The following ANKAR variants were observed in gnomAD, a reference collection of about 807,000 sequenced individuals.
ANKAR encodes the protein ankyrin and armadillo repeat containing.
A neutral mutation model predicts 146.2 loss-of-function variants in ANKAR; 136 were observed. That is an observed-to-expected ratio of 0.93 (90% confidence interval 0.81 to 1.07). The LOEUF (loss-of-function observed/expected upper bound fraction) is 1.07, where lower values mean the gene tolerates loss of function less well. Ranked by LOEUF, ANKAR falls within the 50% of genes least tolerant of loss-of-function variation. The probability of loss-of-function intolerance (pLI) is 0.00; values close to 1 mark genes in which losing one functional copy is unlikely to be tolerated. For synonymous variants in ANKAR, 500 were observed against 575.8 expected (o/e 0.87, Z 1.88); for missense variants, 1,567 against 1,679.9 (o/e 0.93, Z 1.18).
intron 7 of ANKAR, among the ~76,000 whole-genome samples, chr2:189,697,350 G>A (rs1340144294): frequency 6.6e-6 from 1 of 151,864 alleles, no homozygotes; most frequent in African/African-American, 2.4e-5. Flanking sequence ...ACATATATAT[G>A]TACATATATA....
At chr2:189,691,252 CA>C (rs1200924119) in intron 3 of ANKAR, among the ~76,000 whole-genome samples, 1 of 152,206 alleles carries the variant, frequency 6.6e-6, no homozygotes, top group Non-Finnish European at 1.5e-5. Flanking sequence ...GACAAGGTTT[CA>C]CTATGTTGGC....
Position 189,746,497 on chromosome 2 carries a change from C to T in ANKAR, c.4175C>T (p.Ser1392Phe), listed in dbSNP as rs556809724. Residue 1392 changes from serine to phenylalanine, a missense_variant, in exon 23 of 23, where the codon TCC (serine) becomes TTC (phenylalanine). Ser to Phe is a radical substitution (Grantham distance 155). Coordinates refer to ENST00000684021, the MANE Select transcript of ANKAR (RefSeq NM_001378068.1). Reference sequence around the variant, plus strand: ...AAAGCAACAAAAAAGACCAAGGATTCCCATAATATTTTTTCTTTTTCATCT... The same window carrying T: ...AAAGCAACAAAAAAGACCAAGGATTTCCATAATATTTTTTCTTTTTCATCT... ...LFKATKKTKD[S>F]HNIFSFSSTI... 4.3e-6 allele frequency: 7 copies of T among 1,613,818 alleles called. No homozygotes were observed. Among genetic ancestry groups the T allele is most frequent in the Non-Finnish European group, 5.9e-6 (7 of 1,179,874 alleles).
chr2:189,757,608 C>T (rs1395559873), intron 18 of ANKAR, among the ~76,000 whole-genome samples: 1 of 152,184 alleles, frequency 6.6e-6, no homozygotes, highest in African/African-American at 2.4e-5. Context: ...AAAAACTGTG[C>T]ACAGTATCAA....
chr2:189,702,749 C>A (rs1426098997), intron 7 of ANKAR, among the ~76,000 whole-genome samples: 1 of 152,120 alleles, frequency 6.6e-6, no homozygotes, highest in African/African-American at 2.4e-5. Flanking sequence ...ATATCAAGCT[C>A]CCACTATGAA....
intron 18 of ANKAR, among the ~76,000 whole-genome samples, chr2:189,759,312 G>A (rs1451985529): frequency 1.3e-5 from 2 of 151,490 alleles, no homozygotes; most frequent in African/African-American, 4.9e-5. Flanking sequence ...CCAATGGCGC[G>A]ATCTCTGCTC....
chr2:189,754,018 G>T, intron 18 of ANKAR: 1 of 1,613,550 alleles, frequency 6.2e-7, no homozygotes, highest in Non-Finnish European at 8.5e-7. Flanking sequence ...GCTGTACTGT[G>T]GCAGCAATGT....
chr2:189,753,559 TA>T (rs1230840203), intron 18 of ANKAR, among the ~76,000 whole-genome samples: 3 of 151,978 alleles, frequency 2.0e-5, no homozygotes, highest in Admixed American at 1.3e-4. Context: ...ACTGGCTTAT[TA>T]AAAAAACAAA....
intron 10 of ANKAR, among the ~76,000 whole-genome samples, chr2:189,715,481 C>T (rs2040330633): frequency 6.6e-6 from 1 of 152,172 alleles, no homozygotes; most frequent in Admixed American, 6.5e-5. Context: ...CAGGACCAGA[C>T]GGATTCACAG....
At position 189,728,377 on chromosome 2, in the gene ANKAR, A is replaced by G. The variant is rs144746673; in HGVS notation, c.2988A>G (p.Ile996Met). The G allele has an allele frequency of 1.1e-5, 17 of 1,609,698 alleles. No homozygotes were observed. In the African/African-American group the frequency reaches 1.9e-4, roughly 18 times the overall value. ...CAGAACAAATTGGATACAGCTTTAT[A>G]ATAAATATGCTTTTGTCACCATCAG... ...YMAEQIGYSF[I>M]INMLLSPSAK... Residue 996 changes from isoleucine to methionine, a missense_variant, in exon 14 of 23, where the codon ATA becomes ATG. Ile to Met is a conservative substitution (Grantham distance 10, BLOSUM62 1). Coordinates refer to ENST00000684021, the MANE Select transcript of ANKAR (RefSeq NM_001378068.1).
chr2:189,748,389 T>C (rs956443247), downstream of ANKAR, among the ~76,000 whole-genome samples: 2 of 152,130 alleles, frequency 1.3e-5, no homozygotes, highest in African/African-American at 4.8e-5. Context: ...TACAGGCGTG[T>C]AGCCCTAGCT....
At chr2:189,743,927 G>A (rs2043699854) in intron 21 of ANKAR, among the ~76,000 whole-genome samples, 1 of 152,208 alleles carries the variant, frequency 6.6e-6, no homozygotes, top group Non-Finnish European at 1.5e-5. Flanking sequence ...TAGTTACAGT[G>A]AAGTTTGCCA....
chr2:189,737,473 C>T (rs958924141), intron 17 of ANKAR, among the ~76,000 whole-genome samples: 3 of 152,180 alleles, frequency 2.0e-5, no homozygotes, highest in South Asian at 2.1e-4. Flanking sequence ...ATGTTATATA[C>T]AAGGGTAGTT....
Position 189,743,313 on chromosome 2 carries a change from A to G in ANKAR, c.3849A>G (p.Thr1283=). The G allele has an allele frequency of 3.7e-6, 6 of 1,614,086 alleles. No individual in the cohort carries two copies. The highest frequency in any genetic ancestry group is 4.2e-6 in the Non-Finnish European group (5 of 1,179,988). ...AACSSALGYL[T]YNANAFRILL... ...GTTCCTCTGCTCTTGGCTACTTAAC[A>G]TACAATGCAAATGCTTTCCGCATCC... is the stretch of plus-strand genomic sequence containing the variant. The change falls in exon 21 of 23, where the codon ACA becomes ACG. Residue 1283 remains threonine (T), a synonymous_variant. Transcript: ENST00000684021.
intron 20 of ANKAR, among the ~76,000 whole-genome samples, chr2:189,742,732 TTGTCAA>T (rs974020735): frequency 3.7e-4 from 56 of 151,938 alleles, no homozygotes; most frequent in African/African-American, 1.4e-3. Context: ...CCAGGCATAA[TTGTCAA>T]AGTTATATGG....
At chr2:189,709,215 A>G (rs1356040890) in intron 9 of ANKAR, among the ~76,000 whole-genome samples, 1 of 152,260 alleles carries the variant, frequency 6.6e-6, no homozygotes, top group Non-Finnish European at 1.5e-5. Flanking sequence ...ATCATCATGT[A>G]TTTAACTAAA....
chr2:189,688,227 C>T (rs2035886791), intron 2 of ANKAR, among the ~76,000 whole-genome samples: 1 of 152,048 alleles, frequency 6.6e-6, no homozygotes, highest in South Asian at 2.1e-4. Flanking sequence ...CTGTTCTTTC[C>T]CCAGCATATG....
intron 8 of ANKAR, 98 bp from the exon 9 acceptor site, chr2:189,706,840 T>C (rs1056389119): frequency 2.4e-5 from 19 of 797,692 alleles, no homozygotes; most frequent in Non-Finnish European, 3.7e-5. Flanking sequence ...AAGGTGGTGG[T>C]GTAAGTCAGA....
At chr2:189,692,715 G>A (rs1428142362) in intron 4 of ANKAR, 1 of 277,982 alleles carries the variant, frequency 3.6e-6, no homozygotes, top group Non-Finnish European at 6.6e-6. Flanking sequence ...TAACCAAAGA[G>A]TGCAGTAGAA....
At chr2:189,739,575 T>C (rs1476484178) in intron 19 of ANKAR, among the ~76,000 whole-genome samples, 1 of 152,024 alleles carries the variant, frequency 6.6e-6, no homozygotes, top group Non-Finnish European at 1.5e-5. Context: ...ACAGTTTTTT[T>C]TTTTTTTGAG....
Sources: gnomAD v4.1 joint callset for allele counts (sites outside exome capture counted in the v4.1 genomes callset) on GRCh38, gnomAD v4.1.1 for gene constraint, MANE v1.5 for transcripts, NCBI Gene and HGNC (gene_info 2026-07-23, HGNC 2026-07-21) for gene names.